The following CTSF variants were observed in gnomAD, a reference collection of about 807,000 sequenced individuals.
CTSF encodes the protein cathepsin F.
Under a neutral mutation model 63.5 loss-of-function variants are expected in CTSF, and 65 were observed. That is an observed-to-expected ratio of 1.02 (90% confidence interval 0.84 to 1.26). CTSF has a LOEUF of 1.26. Ranked by LOEUF, CTSF falls within the 50% of genes most tolerant of loss-of-function variation. CTSF has a pLI of 0.00. For synonymous variants in CTSF, 256 were observed against 258.1 expected (o/e 0.99, Z 0.08); for missense variants, 641 against 631.0 (o/e 1.02, Z -0.17).
At chr11:66,565,539 G>A in intron 8 of CTSF, 132 bp downstream of exon 8, 1 of 1,293,280 alleles carries the variant, frequency 7.7e-7, no homozygotes, top group Non-Finnish European at 1.1e-6. Flanking sequence ...ACCACGCCTG[G>A]CTGGGTCAGC....
At chr11:66,565,560 G>T in intron 8 of CTSF, 111 bp downstream of exon 8, 1 of 1,466,236 alleles carries the variant, frequency 6.8e-7, no homozygotes, top group Non-Finnish European at 9.4e-7. Flanking sequence ...ATTAAGACCT[G>T]GACCCAGTTC....
chr11:66,567,435 G>T lies in CTSF; in HGVS notation c.531+9C>A. The T allele has an allele frequency of 6.2e-7, 1 of 1,612,040 alleles. No homozygotes were observed. The highest frequency in any genetic ancestry group is 8.5e-7 in the Non-Finnish European group (1 of 1,179,620). On this transcript the variant is annotated intron_variant, in intron 3 of 12. Coordinates refer to ENST00000310325, the MANE Select transcript of CTSF (RefSeq NM_003793.4). ...AAGCTGAGGGCTCCTCAAGCTGAGG[G>T]CTCCTCACCTGGGACAGGGGATCCT...
chr11:66,567,174 A>G (rs938022550), intron 4 of CTSF, 72 bp downstream of exon 4: 3 of 1,486,930 alleles, frequency 2.0e-6, no homozygotes, highest in African/African-American at 2.8e-5. Context: ...CTCCTCCCAC[A>G]CACCAAGGTG....
Position 66,564,801 on chromosome 11 carries a change from C to T in CTSF, c.1171G>A (p.Ala391Thr). The change falls in exon 10 of 13, where the codon GCA (alanine) becomes ACA (threonine). Residue 391 changes from alanine to threonine, a missense_variant. Physicochemically the swap from Ala to Thr is moderately conservative, Grantham distance 58. Coordinates refer to ENST00000310325, the MANE Select transcript of CTSF (RefSeq NM_003793.4). The part of the protein sequence containing the change: ...VELSQNEQKL[A>T]AWLAKRGPIS... ...GGGCCTCTCTTGGCCAGCCAGGCTG[C>T]CAGCTCTGAGATGGGAAGGGGTGGC... 6.2e-7 allele frequency: 1 copy of T among 1,613,992 alleles called. No individual in the cohort carries two copies. The highest frequency in any genetic ancestry group is 8.5e-7 in the Non-Finnish European group (1 of 1,179,898).
Position 66,566,133 on chromosome 11 carries a change from G to A in CTSF, c.756C>T (p.Leu252=). ...EEFRTIYLNT[L]LRKEPGNKMK... ...TCTTGTTGCCAGGCTCTTTCCTCAG[G>A]AGAGTATTCAGGTAGATAGTGCGGA... The change falls in exon 6 of 13, where the codon CTC becomes CTT. Residue 252 remains leucine, a synonymous_variant. Coordinates refer to ENST00000310325, the MANE Select transcript of CTSF (RefSeq NM_003793.4). The A allele has an allele frequency of 6.2e-7, 1 of 1,614,138 alleles. No individual in the cohort carries two copies. Among genetic ancestry groups the A allele is most frequent in the Non-Finnish European group, 8.5e-7 (1 of 1,180,018 alleles).
At position 66,565,733 on chromosome 11, in the gene CTSF, T is replaced by C. The variant is rs755617235; in HGVS notation, c.983A>G (p.Lys328Arg). 1.9e-6 allele frequency: 3 copies of C among 1,613,886 alleles called. No homozygotes were observed. The highest frequency in any genetic ancestry group is 2.5e-6 in the Non-Finnish European group (3 of 1,180,048). ...GCCGCCCATGCAGGCCTTGTCCATC[T>C]TGTCACAGTCCAAGAGCTCTAGGAG... Reference protein sequence around the residue: ...LSEQELLDCDKMDKACMGGLP... With the variant: ...LSEQELLDCDRMDKACMGGLP... Residue 328 changes from lysine (K) to arginine (R), a missense_variant, in exon 8 of 13, where the codon AAG (lysine) becomes AGG (arginine). Transcript: ENST00000310325.
chr11:66,564,208 A>C (rs1857875154), intron 11 of CTSF, 62 bp from the exon 12 acceptor site: 1 of 1,552,828 alleles, frequency 6.4e-7, no homozygotes, highest in Non-Finnish European at 8.7e-7. Flanking sequence ...AGCCTTAATC[A>C]CTTTGCACCC....
At position 66,563,840 on chromosome 11, in the gene CTSF, C is replaced by A; in HGVS notation, c.*93G>T. Reference sequence around the variant, plus strand: ...AGGTACCCAGTGCCTTTCCCTCTGCCAGCTGTACCTCCCGGGGAGGGGCCT... The same window carrying A: ...AGGTACCCAGTGCCTTTCCCTCTGCAAGCTGTACCTCCCGGGGAGGGGCCT... On this transcript the variant is annotated 3_prime_UTR_variant, in exon 13 of 13. Coordinates refer to ENST00000310325, the MANE Select transcript of CTSF (RefSeq NM_003793.4). The A allele has an allele frequency of 6.6e-7, 1 of 1,509,362 alleles. No homozygotes were observed. 93.5% of individuals were successfully genotyped at this position (1,509,362 alleles called of 1,614,324 possible).
At chr11:66,564,243 T>C in intron 11 of CTSF, 97 bp from the exon 12 acceptor site, 2 of 1,411,958 alleles carry the variant, frequency 1.4e-6, no homozygotes, top group East Asian at 2.5e-5. Flanking sequence ...CTGGGCCTAC[T>C]GTGTGACAGG....
intron 11 of CTSF, 32 bp downstream of exon 11, chr11:66,564,526 T>G (rs1302518234): frequency 6.6e-7 from 1 of 1,508,692 alleles, no homozygotes. Context: ...GCCTGTGGCC[T>G]GGCTGGATGC....
Position 66,567,335 on chromosome 11 carries a change from C to T in CTSF, c.532-14G>A. On this transcript the variant is annotated splice_polypyrimidine_tract_variant and intron_variant, in intron 3 of 12. Coordinates refer to ENST00000310325, the MANE Select transcript of CTSF (RefSeq NM_003793.4). ...CACAGGCAAGTCCTGGATAGGCAGA[C>T]CAGTCTTTAGGCTGACCAGAGAAAC... The T allele has an allele frequency of 6.2e-7, 1 of 1,614,110 alleles. No homozygotes were observed. Among genetic ancestry groups the T allele is most frequent in the Non-Finnish European group, 8.5e-7 (1 of 1,180,004 alleles).
At chr11:66,566,434 T>A in intron 4 of CTSF, 30 bp from the exon 5 acceptor site, 1 of 1,606,718 alleles carries the variant, frequency 6.2e-7, no homozygotes, top group Non-Finnish European at 8.5e-7. Flanking sequence ...AGAGGAGGGG[T>A]TCGACCCCAG....
rs755473264 is a variant in CTSF, at chr11:66,565,764, AG to A, written c.965-14del. The A allele has an allele frequency of 6.2e-7, 1 of 1,613,942 alleles. No individual in the cohort carries two copies. Among genetic ancestry groups the A allele is most frequent in the East Asian group, 2.2e-5 (1 of 44,886 alleles). On this transcript the variant is annotated splice_polypyrimidine_tract_variant and intron_variant, in intron 7 of 12. Transcript: ENST00000310325. ...CAGTCCAAGAGCTCTAGGAGACAGA[AG>A]GCTGGTCCCAAGAAGCCCTCCTGAG...
Position 66,566,153 on chromosome 11 carries a change from TGCG to T in CTSF, c.733_735del (p.Arg245del). 6.2e-7 allele frequency: 1 copy of T among 1,614,140 alleles called. No homozygotes were observed. The highest frequency in any genetic ancestry group is 8.5e-7 in the Non-Finnish European group (1 of 1,180,022). The stretch of plus-strand genomic sequence containing the variant: ...CTCAGGAGAGTATTCAGGTAGATAG[TGCG>T]GAACTCCTCCTCTGCGGGCAAAGGT... On this transcript the variant is annotated inframe_deletion, in exon 6 of 13. Coordinates refer to ENST00000310325, the MANE Select transcript of CTSF (RefSeq NM_003793.4).
At chr11:66,564,471 C>T (rs1857880726) in intron 11 of CTSF, 87 bp downstream of exon 11, 1 of 1,220,384 alleles carries the variant, frequency 8.2e-7, no homozygotes, top group South Asian at 1.5e-5. Context: ...AGGCATTCCC[C>T]CTATTTCCCC....
intron 4 of CTSF, 48 bp from the exon 5 acceptor site, chr11:66,566,452 A>G: frequency 6.3e-7 from 1 of 1,575,926 alleles, no homozygotes; most frequent in Non-Finnish European, 8.7e-7. Flanking sequence ...CAGGCAGATA[A>G]AAGGAAGGGC....
chr11:66,565,840 AG>A lies in CTSF; in HGVS notation c.954del (p.Ser319LeufsTer27), dbSNP rs753084727. The A allele has an allele frequency of 7.1e-5, 114 of 1,613,854 alleles. No individual in the cohort carries two copies. Among genetic ancestry groups the A allele is most frequent in the Non-Finnish European group, 9.4e-5 (111 of 1,180,014 alleles). On this transcript the variant is annotated frameshift_variant, in exon 7 of 13. Transcript: ENST00000310325. LOFTEE classifies it high-confidence loss of function. ...WFLNQGTLLS[L>X]SEQELLDCDK... Reference sequence around the variant, plus strand: ...AGAGCGAGATGCTCACCCTGTTCAGAGAGGGAGAGCAGGGTCCCCTGGTTGA... The same window carrying A: ...AGAGCGAGATGCTCACCCTGTTCAGAAGGGAGAGCAGGGTCCCCTGGTTGA...
Position 66,566,392 on chromosome 11 carries a change from C to A in CTSF, c.620G>T (p.Arg207Leu), listed in dbSNP as rs750407625. 6.2e-7 allele frequency: 1 copy of A among 1,613,664 alleles called. No individual in the cohort carries two copies. The change falls in exon 5 of 13, where the codon CGC becomes CTC. Residue 207 changes from arginine to leucine, a missense_variant. Transcript: ENST00000310325. ...TYESKEEARW[R>L]LSVFVNNMVR... ...CATGTTATTGACAAAGACGGACAGG[C>A]GCCACCGGGCTTCTGAGGACCAAGG...
rs753203173 is a variant in CTSF, at chr11:66,567,303, C to T, written c.550G>A (p.Ala184Thr). 1.2e-6 allele frequency: 2 copies of T among 1,614,070 alleles called. No homozygotes were observed. Among genetic ancestry groups the T allele is most frequent in the South Asian group, 1.1e-5 (1 of 91,090 alleles). Reference sequence around the variant, plus strand: ...ATGACAAAGTTCTTGAAGATTGAAGCCATCTTCACAGGCAAGTCCTGGATA... The same window carrying T: ...ATGACAAAGTTCTTGAAGATTGAAGTCATCTTCACAGGCAAGTCCTGGATA... ...PLSQDLPVKM[A>T]SIFKNFVITY... The change falls in exon 4 of 13, where the codon GCT (alanine) becomes ACT (threonine). Residue 184 changes from alanine (A) to threonine (T), a missense_variant. Ala to Thr is a moderately conservative substitution (Grantham distance 58, BLOSUM62 0). Coordinates refer to ENST00000310325, the MANE Select transcript of CTSF (RefSeq NM_003793.4).
Sources: allele counts gnomAD v4.1 joint callset, GRCh38; gene constraint gnomAD v4.1.1; transcripts MANE v1.5; gene names NCBI Gene and HGNC (gene_info 2026-07-23, HGNC 2026-07-21).